The following CTNNA3 variants were observed in gnomAD, a reference collection of about 807,000 sequenced individuals.
CTNNA3 encodes catenin alpha-3.
In CTNNA3, 76 loss-of-function variants were observed where a neutral mutation model predicts 95.7. The ratio of observed to expected loss-of-function variants is 0.79; its 90% CI spans 0.66 to 0.96. CTNNA3 has a LOEUF of 0.96. Ranked by LOEUF, CTNNA3 falls within the 40% of genes least tolerant of loss-of-function variation. The pLI is 0.00. For missense variants in CTNNA3, 1,191 were observed against 1,089.8 expected, an observed-to-expected ratio of 1.09 and a Z score of -1.31; for synonymous variants, 431 against 374.4, an observed-to-expected ratio of 1.15 and a Z score of -1.74.
At chr10:66,417,098 G>A (rs958658406) in intron 11 of CTNNA3, among the ~76,000 whole-genome samples, 1 of 151,940 alleles carries the variant, frequency 6.6e-6, no homozygotes, top group East Asian at 1.9e-4. Flanking sequence ...TAGACTGAAT[G>A]AATGGATTTT....
intron 5 of CTNNA3, among the ~76,000 whole-genome samples, chr10:67,437,764 A>G (rs901663137): frequency 7.2e-5 from 11 of 151,948 alleles, no homozygotes; most frequent in Non-Finnish European, 1.5e-4. Flanking sequence ...TGAAAATAGG[A>G]AAAAAGAGCT....
chr10:66,845,072 A>G (rs1460043012), intron 7 of CTNNA3, among the ~76,000 whole-genome samples: 1 of 152,238 alleles, frequency 6.6e-6, no homozygotes. Flanking sequence ...AATTATACCA[A>G]CAATAGAGAA....
intron 6 of CTNNA3, among the ~76,000 whole-genome samples, chr10:67,218,502 A>G (rs1438200783): frequency 6.6e-6 from 1 of 152,144 alleles, no homozygotes; most frequent in Non-Finnish European, 1.5e-5. Flanking sequence ...TTGCGGGTCT[A>G]GCTGTCAGGT....
intron 7 of CTNNA3, among the ~76,000 whole-genome samples, chr10:67,067,669 C>A (rs570527263): frequency 6.6e-6 from 1 of 152,174 alleles, no homozygotes; most frequent in Non-Finnish European, 1.5e-5. Flanking sequence ...GTATTATTAA[C>A]AAGCTCTTAG....
chr10:66,581,312 A>C (rs540277913), intron 10 of CTNNA3, among the ~76,000 whole-genome samples: 46 of 151,822 alleles, frequency 3.0e-4, no homozygotes, highest in African/African-American at 1.0e-3. Flanking sequence ...GCTTTGAGAA[A>C]TCTCCATACT....
At chr10:67,520,961 A>C (rs1463670950) in intron 5 of CTNNA3, among the ~76,000 whole-genome samples, 1 of 152,122 alleles carries the variant, frequency 6.6e-6, no homozygotes, top group Non-Finnish European at 1.5e-5. Context: ...CAAGTGATCG[A>C]CTCGAGGCCT....
chr10:66,178,441 ATAC>A (rs2085855885), intron 13 of CTNNA3, among the ~76,000 whole-genome samples: 1 of 98,224 alleles, frequency 1.0e-5, no homozygotes, highest in Non-Finnish European at 2.3e-5. Context: ...ATATATATAT[ATAC>A]ACACACAGAT....
At chr10:66,254,245 T>G (rs2090671202) in intron 13 of CTNNA3, among the ~76,000 whole-genome samples, 1 of 152,166 alleles carries the variant, frequency 6.6e-6, no homozygotes, top group African/African-American at 2.4e-5. Flanking sequence ...AATTTAGAAG[T>G]AATTTGACTT....
At chr10:67,585,342 T>C (rs1842588809) in intron 3 of CTNNA3, among the ~76,000 whole-genome samples, 1 of 152,214 alleles carries the variant, frequency 6.6e-6, no homozygotes, top group Non-Finnish European at 1.5e-5. Flanking sequence ...AGAATAATAC[T>C]GGCCTCAAAG....
At chr10:66,242,926 T>A (rs995663933) in intron 13 of CTNNA3, among the ~76,000 whole-genome samples, 2 of 152,202 alleles carry the variant, frequency 1.3e-5, no homozygotes, top group Non-Finnish European at 2.9e-5. Context: ...GGCATGTTAA[T>A]ACAATTGAAC....
At position 66,274,390 on chromosome 10, in the gene CTNNA3, C is replaced by T. The variant is rs539247302; in HGVS notation, c.1884+6080G>A. 2.6e-5 allele frequency among the ~76,000 whole-genome samples: 4 copies of T among 152,106 alleles called. No homozygotes were observed. The South Asian group carries it at 8.3e-4, about 32-fold the overall frequency. On this transcript the variant is annotated intron_variant, in intron 13 of 17. Transcript: ENST00000433211. ...AGTGGATCAAACGTGACCCAAAGGC[C>T]AAAATATGCCACCTGCTGATCTAAA...
At chr10:67,025,745 C>T (rs1202824746) in intron 7 of CTNNA3, among the ~76,000 whole-genome samples, 2 of 151,902 alleles carry the variant, frequency 1.3e-5, no homozygotes, top group East Asian at 1.9e-4. Context: ...GTTATAATGC[C>T]CATTAACATA....
intron 3 of CTNNA3, among the ~76,000 whole-genome samples, chr10:67,569,590 T>C (rs1482849936): frequency 1.3e-5 from 2 of 152,136 alleles, no homozygotes; most frequent in African/African-American, 4.8e-5. Context: ...TTCACAGCTA[T>C]AGCGATGGCA....
intron 11 of CTNNA3, among the ~76,000 whole-genome samples, chr10:66,404,523 T>C (rs2093042818): frequency 1.3e-5 from 2 of 152,212 alleles, no homozygotes; most frequent in African/African-American, 4.8e-5. Context: ...TACTTTTTAA[T>C]GTCCTGACTG....
At chr10:67,349,910 C>A (rs1296220271) in intron 5 of CTNNA3, among the ~76,000 whole-genome samples, 4 of 152,104 alleles carry the variant, frequency 2.6e-5, no homozygotes, top group African/African-American at 7.2e-5. Context: ...AAGTGGGAAC[C>A]CCTACACAGG....
rs541646824 is a variant in CTNNA3 at position 66,465,574 on chromosome 10, T to C, written c.1531+55043A>G. Reference sequence around the variant, plus strand: ...AATTTTTACTTCCTTGCCTCTGCAATGCTGAGGCAAGTTAATTTTTACAGC... The same window carrying C: ...AATTTTTACTTCCTTGCCTCTGCAACGCTGAGGCAAGTTAATTTTTACAGC... On this transcript the variant is annotated intron_variant, in intron 11 of 17. Coordinates refer to ENST00000433211, the MANE Select transcript of CTNNA3 (RefSeq NM_013266.4). Among the ~76,000 whole-genome samples the C allele has an allele frequency of 4.6e-5, 7 of 152,246 alleles. No individual in the cohort carries two copies. The South Asian group carries it at 1.5e-3, about 32-fold the overall frequency.
At chr10:67,323,647 G>A (rs185639650) in intron 5 of CTNNA3, among the ~76,000 whole-genome samples, 21 of 152,234 alleles carry the variant, frequency 1.4e-4, no homozygotes, top group East Asian at 3.9e-4. Flanking sequence ...GTCAGGGAGC[G>A]TGATGCTTCC....
At chr10:66,424,829 T>C (rs1240570781) in intron 11 of CTNNA3, among the ~76,000 whole-genome samples, 1 of 152,096 alleles carries the variant, frequency 6.6e-6, no homozygotes, top group Non-Finnish European at 1.5e-5. Context: ...AAAATTTTTA[T>C]CTGAGCTTTC....
chr10:66,250,659 A>AGTGGAAC (rs149814390), intron 13 of CTNNA3, among the ~76,000 whole-genome samples: 3 of 151,372 alleles, frequency 2.0e-5, no homozygotes, highest in Non-Finnish European at 3.0e-5. Context: ...TTGTTTTATC[A>AGTGGAAC]TTATCAGTGG....
Sources: allele counts gnomAD v4.1 joint callset (sites outside exome capture counted in the v4.1 genomes callset), GRCh38; gene constraint gnomAD v4.1.1; transcripts MANE v1.5; gene names NCBI Gene and HGNC (gene_info 2026-07-23, HGNC 2026-07-21).